The following HDAC9 variants were observed in gnomAD, a reference collection of about 807,000 sequenced individuals.
The protein encoded by HDAC9 is histone deacetylase 9.
In HDAC9, 41 loss-of-function variants were observed where a neutral mutation model predicts 139.4. The observed-to-expected ratio is 0.29, with a 90% CI of 0.23 to 0.38. HDAC9 has a LOEUF of 0.38. Among genes scored for constraint, HDAC9 ranks in the 10% least tolerant of loss-of-function variants. The pLI is 1.00. For synonymous variants in HDAC9, 517 were observed against 476.2 expected (o/e 1.09, Z -1.12); for missense variants, 1,147 against 1,297.0 (o/e 0.88, Z 1.78).
intron 1 of HDAC9, among the ~76,000 whole-genome samples, chr7:18,412,907 A>T (rs979068614): frequency 6.6e-6 from 1 of 152,232 alleles, no homozygotes; most frequent in African/African-American, 2.4e-5. Flanking sequence ...TTAAATGAAT[A>T]TTGATTTTAA....
intron 2 of HDAC9, among the ~76,000 whole-genome samples, chr7:18,510,302 A>G (rs1006513041): frequency 6.6e-6 from 1 of 152,190 alleles, no homozygotes; most frequent in Non-Finnish European, 1.5e-5. Context: ...TTCCTGGGAT[A>G]TGTGTCTGCA....
chr7:18,418,424 C>CA (rs59702600), intron 1 of HDAC9, among the ~76,000 whole-genome samples: 1,325 of 76,908 alleles, frequency 0.017, 11 homozygotes, highest in Admixed American at 0.023. Flanking sequence ...GTATACAAAC[C>CA]AAAAAAAAAA....
chr7:18,520,803 C>A (rs1441702481), intron 2 of HDAC9, among the ~76,000 whole-genome samples: 1 of 152,110 alleles, frequency 6.6e-6, no homozygotes, highest in East Asian at 1.9e-4. Flanking sequence ...AGAAGATAGC[C>A]CAGAAAGCTG....
intron 8 of HDAC9, among the ~76,000 whole-genome samples, chr7:18,644,100 T>C (rs1030915062): frequency 3.3e-5 from 5 of 152,098 alleles, no homozygotes; most frequent in Non-Finnish European, 7.4e-5. Context: ...CATTTTAACA[T>C]TTACTTTAGT....
At chr7:18,093,772 A>G (rs904811098) in intron 1 of HDAC9, among the ~76,000 whole-genome samples, 1 of 152,138 alleles carries the variant, frequency 6.6e-6, no homozygotes, top group African/African-American at 2.4e-5. Flanking sequence ...CTATTGAGAC[A>G]TTCTTCCTTT....
At chr7:18,409,887 CAGGAGCAT>C (rs1788381388) in intron 1 of HDAC9, among the ~76,000 whole-genome samples, 1 of 152,064 alleles carries the variant, frequency 6.6e-6, no homozygotes, top group Non-Finnish European at 1.5e-5. Flanking sequence ...TCTTTGTATC[CAGGAGCAT>C]AGCTTGTTTT....
chr7:18,573,521 G>A (rs1272419161), intron 2 of HDAC9, among the ~76,000 whole-genome samples: 2 of 152,156 alleles, frequency 1.3e-5, no homozygotes, highest in South Asian at 2.1e-4. Flanking sequence ...CCACCCACTC[G>A]GCTCAACAGG....
intron 25 of HDAC9, among the ~76,000 whole-genome samples, chr7:18,992,889 G>C (rs576530414): frequency 6.6e-5 from 10 of 152,230 alleles, no homozygotes; most frequent in African/African-American, 2.4e-4. Context: ...TATCTTTGCT[G>C]GGTTGATTTT....
At chr7:18,158,788 T>C (rs1307151717) in intron 1 of HDAC9, among the ~76,000 whole-genome samples, 1 of 152,212 alleles carries the variant, frequency 6.6e-6, no homozygotes, top group African/African-American at 2.4e-5. Flanking sequence ...CCACTACGTA[T>C]GATGTTAAGG....
intron 1 of HDAC9, among the ~76,000 whole-genome samples, chr7:18,450,078 G>A (rs538473289): frequency 3.9e-5 from 6 of 152,270 alleles, no homozygotes; most frequent in African/African-American, 1.4e-4. Context: ...AGGCTGCATG[G>A]CCACTTATGG....
At chr7:18,209,266 C>T (rs1791765410) in intron 2 of HDAC9, among the ~76,000 whole-genome samples, 1 of 152,178 alleles carries the variant, frequency 6.6e-6, no homozygotes, top group Admixed American at 6.5e-5. Flanking sequence ...ATATTACTTT[C>T]CATAATAAAC....
intron 22 of HDAC9, among the ~76,000 whole-genome samples, chr7:18,882,285 T>C (rs750473579): frequency 4.6e-5 from 7 of 152,130 alleles, no homozygotes; most frequent in Non-Finnish European, 8.8e-5. Flanking sequence ...ATATTTTAAT[T>C]AACAAAACCT....
chr7:18,201,752 T>A (rs568235806), intron 2 of HDAC9, among the ~76,000 whole-genome samples: 1 of 152,380 alleles, frequency 6.6e-6, no homozygotes, highest in African/African-American at 2.4e-5. Context: ...TGTTTCACAC[T>A]GGTATTCTGA....
At chr7:18,983,562 G>C (rs185063840) in intron 25 of HDAC9, among the ~76,000 whole-genome samples, 1 of 151,960 alleles carries the variant, frequency 6.6e-6, no homozygotes, top group Non-Finnish European at 1.5e-5. Context: ...TTTTCTTTTT[G>C]TGGTCACAGC....
intron 16 of HDAC9, among the ~76,000 whole-genome samples, chr7:18,768,951 C>T (rs939216879): frequency 1.1e-4 from 17 of 152,146 alleles, no homozygotes; most frequent in Admixed American, 8.5e-4. Flanking sequence ...GTGTTAGATG[C>T]TTTTGCCAAA....
intron 22 of HDAC9, among the ~76,000 whole-genome samples, chr7:18,907,471 C>T (rs1802365953): frequency 6.6e-6 from 1 of 152,192 alleles, no homozygotes; most frequent in South Asian, 2.1e-4. Context: ...ATTATATCAC[C>T]TAGCTTTATT....
chr7:18,745,531 CTTTTTTTTTTTT>C (rs565092002), intron 13 of HDAC9, among the ~76,000 whole-genome samples: 3 of 90,510 alleles, frequency 3.3e-5, no homozygotes, highest in Middle Eastern at 7.1e-3. Flanking sequence ...ACTCTCTACT[CTTTTTTTTTTTT>C]TTTTTTTTTT....
At chr7:18,324,418 C>A (rs776564846) in intron 1 of HDAC9, among the ~76,000 whole-genome samples, 15 of 152,132 alleles carry the variant, frequency 9.9e-5, no homozygotes, top group Non-Finnish European at 2.2e-4. Flanking sequence ...GTACCAGTCT[C>A]ATAGGGATGT....
chr7:18,993,263 TCA>T (rs983350782), intron 25 of HDAC9, among the ~76,000 whole-genome samples: 2 of 152,224 alleles, frequency 1.3e-5, no homozygotes, highest in African/African-American at 4.8e-5. Context: ...GTTTCACACT[TCA>T]CAGTGTATAA....
Sources: allele counts gnomAD v4.1 joint callset (sites outside exome capture counted in the v4.1 genomes callset), GRCh38; gene constraint gnomAD v4.1.1; transcripts MANE v1.5; gene names NCBI Gene and HGNC (gene_info 2026-07-23, HGNC 2026-07-21).